The following IL20RA variants were observed in gnomAD, a reference collection of about 807,000 sequenced individuals.
IL20RA encodes the protein interleukin 20 receptor subunit alpha, also known as interleukin-20 receptor subunit alpha.
A neutral mutation model predicts 36.5 loss-of-function variants in IL20RA; 29 were observed. The ratio of observed to expected loss-of-function variants is 0.79; its 90% CI spans 0.59 to 1.08. The LOEUF is 1.08. IL20RA is among the 50% of genes least tolerant of loss of function. The probability of loss-of-function intolerance (pLI) is 0.00; values close to 1 mark genes in which losing one functional copy is unlikely to be tolerated. For synonymous variants in IL20RA, 279 were observed against 267.1 expected, an observed-to-expected ratio of 1.04 and a Z score of -0.43; for missense variants, 652 against 668.4, an observed-to-expected ratio of 0.98 and a Z score of 0.27.
intron 1 of IL20RA, among the ~76,000 whole-genome samples, chr6:137,040,608 G>A (rs1384872161): frequency 6.6e-6 from 1 of 152,226 alleles, no homozygotes; most frequent in Non-Finnish European, 1.5e-5. Context: ...AGTGGCCAAA[G>A]CTGGAACAGC....
In IL20RA at chr6:137,044,875, G is replaced by A; in HGVS notation, c.-147C>T. The A allele has an allele frequency of 1.5e-6, 1 of 684,888 alleles. No homozygotes were observed. The highest frequency in any genetic ancestry group is 4.7e-5 in the Admixed American group (1 of 21,450). 42.4% of individuals were successfully genotyped at this position (684,888 alleles called of 1,614,324 possible). A position where few individuals can be genotyped will look rare whatever the true frequency, so the allele number is the denominator to read the frequency against. ...GCGACCTGAGTCCCAGGGCGCCTCCGCCACAGCCGCGTCCCCCAGGCTTCC... is the reference window on the plus strand; with the variant it reads ...GCGACCTGAGTCCCAGGGCGCCTCCACCACAGCCGCGTCCCCCAGGCTTCC... On this transcript the variant is annotated 5_prime_UTR_variant, in exon 1 of 7. Coordinates refer to ENST00000316649, the MANE Select transcript of IL20RA (RefSeq NM_014432.4).
In IL20RA at chr6:137,001,727, T is replaced by G. The variant is rs151197202; in HGVS notation, c.1493A>C (p.Asp498Ala). Reference sequence around the variant, plus strand: ...AGGCTCGCAGCCCTCTGAATCCTGGTCGAAGCTGGACAGCGAAGGAATACA... The same window carrying G: ...AGGCTCGCAGCCCTCTGAATCCTGGGCGAAGCTGGACAGCGAAGGAATACA... ...RLCIPSLSSF[D>A]QDSEGCEPSE... Residue 498 changes from aspartate to alanine, a missense_variant, in exon 7 of 7, where the codon GAC becomes GCC. Physicochemically the swap from Asp to Ala is moderately radical, Grantham distance 126. Coordinates refer to ENST00000316649, the MANE Select transcript of IL20RA (RefSeq NM_014432.4). 1.2e-6 allele frequency: 2 copies of G among 1,613,754 alleles called. No homozygotes were observed. Among genetic ancestry groups the G allele is most frequent in the Non-Finnish European group, 1.7e-6 (2 of 1,179,854 alleles).
chr6:137,040,314 C>T (rs1254115294), intron 1 of IL20RA, among the ~76,000 whole-genome samples: 1 of 151,456 alleles, frequency 6.6e-6, no homozygotes. Context: ...GTGTGTATAA[C>T]TACGTTAGTC....
intron 5 of IL20RA, among the ~76,000 whole-genome samples, chr6:137,006,566 A>G (rs1775288915): frequency 6.6e-6 from 1 of 152,202 alleles, no homozygotes; most frequent in Admixed American, 6.5e-5. Flanking sequence ...GAGAGCAGAA[A>G]TATGTTTTAA....
At chr6:137,034,481 C>T (rs866720580) in intron 1 of IL20RA, among the ~76,000 whole-genome samples, 7 of 152,116 alleles carry the variant, frequency 4.6e-5, no homozygotes, top group African/African-American at 9.7e-5. Context: ...CCGTATGCCA[C>T]GGTGGTTTGC....
chr6:137,001,820 G>A lies in IL20RA; in HGVS notation c.1400C>T (p.Ser467Leu), dbSNP rs1273069221. The A allele has an allele frequency of 1.9e-6, 3 of 1,613,354 alleles. No homozygotes were observed. The highest frequency in any genetic ancestry group is 1.7e-5 in the Admixed American group (1 of 59,956). ...TGGCTCTTCCTCCGGCCCCTCCTCC[G>A]AGTCTGTGTGCTCCTGCGCCAGGGG... The part of the protein sequence containing the change: ...LDPLAQEHTD[S>L]EEGPEEEPST... Residue 467 changes from serine to leucine, a missense_variant, in exon 7 of 7, where the codon TCG becomes TTG. Transcript: ENST00000316649.
chr6:137,021,880 C>A (rs554049776), intron 1 of IL20RA, among the ~76,000 whole-genome samples: 297 of 152,312 alleles, frequency 1.9e-3, no homozygotes, highest in African/African-American at 6.4e-3. Flanking sequence ...CAAACCAACT[C>A]ATTCAGTTTC....
At position 137,001,980 on chromosome 6, in the gene IL20RA, G is replaced by A; in HGVS notation, c.1240C>T (p.Pro414Ser). Residue 414 changes from proline to serine, a missense_variant, in exon 7 of 7, where the codon CCT (proline) becomes TCT (serine). Coordinates refer to ENST00000316649, the MANE Select transcript of IL20RA (RefSeq NM_014432.4). ...DVRTTDICAGPEEQELSLQEE... is the reference protein window; with the variant it reads ...DVRTTDICAGSEEQELSLQEE... The stretch of plus-strand genomic sequence containing the variant: ...TGCAAACTGAGCTCCTGCTCTTCAG[G>A]CCCCGCACAAATGTCAGTGGTTCTG... 4 of 1,614,144 alleles carry A rather than the reference G, an allele frequency of 2.5e-6. No individual in the cohort carries two copies. Among genetic ancestry groups the A allele is most frequent in the Non-Finnish European group, 3.4e-6 (4 of 1,180,036 alleles).
chr6:137,017,293 CA>C (rs1208655610), intron 1 of IL20RA, among the ~76,000 whole-genome samples, 190 bp from the exon 2 acceptor site: 1 of 152,044 alleles, frequency 6.6e-6, no homozygotes, highest in African/African-American at 2.4e-5. Context: ...TTTTGCTTTT[CA>C]AAAAAATTCC....
In IL20RA at chr6:137,004,159, C is replaced by CGTTTTTTTTTTTTTTTTTTTT. The variant is rs531501235; in HGVS notation, c.864+461_864+462insAAAAAAAAAAAAAAAAAAAAC. ...TCTGTTAGTCAGCTAATCCAGAAAG[C>CGTTTTTTTTTTTTTTTTTTTT]TTTTTTTTTTTTTTTTTTTTTTTTT... On this transcript the variant is annotated intron_variant, in intron 6 of 6. Transcript: ENST00000316649. Among the ~76,000 whole-genome samples the CGTTTTTTTTTTTTTTTTTTTT allele has an allele frequency of 6.8e-5, 6 of 88,016 alleles. 3 individuals are homozygous for CGTTTTTTTTTTTTTTTTTTTT. The highest frequency in any genetic ancestry group is 1.1e-4 in the African/African-American group (2 of 18,006). The allele number at this position is 88,016 out of a possible 152,430, so 57.7% of individuals were successfully genotyped here.
Position 137,008,694 on chromosome 6 carries a change from G to A in IL20RA, c.629C>T (p.Pro210Leu), listed in dbSNP as rs778356983. 1.1e-5 allele frequency: 18 copies of A among 1,606,812 alleles called. No homozygotes were observed. In the Middle Eastern group the frequency reaches 6.6e-4, roughly 59 times the overall value. ...CACGTGTACGCAGTAAAGAGTGTTC[G>A]GCTCCAGCCAGGTGAGCACCAGCGT... ...NHTLVLTWLE[P>L]NTLYCVHVES... Residue 210 changes from proline to leucine, a missense_variant, in exon 5 of 7, where the codon CCG (proline) becomes CTG (leucine). Coordinates refer to ENST00000316649, the MANE Select transcript of IL20RA (RefSeq NM_014432.4).
intron 1 of IL20RA, among the ~76,000 whole-genome samples, chr6:137,036,909 A>T (rs1776511136): frequency 6.6e-6 from 1 of 152,228 alleles, no homozygotes; most frequent in African/African-American, 2.4e-5. Flanking sequence ...GAAAGTGAAG[A>T]TGAGGGGACT....
At position 137,027,258 on chromosome 6, in the gene IL20RA, C is replaced by T. The variant is rs931979961; in HGVS notation, c.89-10155G>A. On this transcript the variant is annotated intron_variant, in intron 1 of 6. Coordinates refer to ENST00000316649, the MANE Select transcript of IL20RA (RefSeq NM_014432.4). ...CCTGAGAAAAAAGCTGCACAACTGT[C>T]GTCTATAAAGGACAGAGCACGATTC... Among the ~76,000 whole-genome samples, 13 of 152,292 alleles carry T rather than the reference C, an allele frequency of 8.5e-5. No individual in the cohort carries two copies. In the South Asian group the frequency reaches 1.9e-3, roughly 22 times the overall value.
chr6:137,010,100 C>T (rs1419789955), intron 3 of IL20RA, among the ~76,000 whole-genome samples: 2 of 152,220 alleles, frequency 1.3e-5, no homozygotes, highest in Non-Finnish European at 2.9e-5. Context: ...ACAATCAAAA[C>T]TGTTTGTAAG....
intron 1 of IL20RA, among the ~76,000 whole-genome samples, chr6:137,036,510 C>T (rs1336596837): frequency 6.6e-6 from 1 of 152,134 alleles, no homozygotes; most frequent in Non-Finnish European, 1.5e-5. Context: ...GACAGACATG[C>T]AGAGTCTTCT....
chr6:137,030,070 GTTT>G (rs1188809232), intron 1 of IL20RA, among the ~76,000 whole-genome samples: 124 of 62,852 alleles, frequency 2.0e-3, no homozygotes, highest in African/African-American at 7.7e-3. Context: ...CGGTTTGCGG[GTTT>G]TTTTTTTTTT....
rs371417049 is a variant in IL20RA at position 137,028,184 on chromosome 6, G to T, written c.89-11081C>A. On this transcript the variant is annotated intron_variant, in intron 1 of 6. Transcript: ENST00000316649. ...TATAATCCTAGCACTCTGGGAGGCC[G>T]AGGTGGTTGGATCACCTGAGGTCAG... Among the ~76,000 whole-genome samples the T allele has an allele frequency of 2.6e-5, 4 of 152,124 alleles. No individual in the cohort carries two copies. The East Asian group carries it at 7.7e-4, about 29-fold the overall frequency.
At chr6:137,025,359 A>C (rs1776050577) in intron 1 of IL20RA, among the ~76,000 whole-genome samples, 1 of 152,212 alleles carries the variant, frequency 6.6e-6, no homozygotes, top group African/African-American at 2.4e-5. Context: ...GAAGATGACC[A>C]TCTATGAACC....
At chr6:137,004,781 G>A (rs758421998) in intron 5 of IL20RA, 21 bp from the exon 6 acceptor site, 4 of 1,553,338 alleles carry the variant, frequency 2.6e-6, no homozygotes, top group Non-Finnish European at 3.5e-6. Context: ...AAAAAAAAAG[G>A]TGGGAATTCG....
Sources: gnomAD v4.1 joint callset for allele counts (sites outside exome capture counted in the v4.1 genomes callset) on GRCh38, gnomAD v4.1.1 for gene constraint, MANE v1.5 for transcripts, NCBI Gene and HGNC (gene_info 2026-07-23, HGNC 2026-07-21) for gene names.